The following TUT4 variants were observed in gnomAD, a reference collection of about 807,000 sequenced individuals.
The protein encoded by TUT4 is terminal uridylyl transferase 4.
In TUT4, 36 loss-of-function variants were observed where a neutral mutation model predicts 192.2. The ratio of observed to expected loss-of-function variants is 0.19; its 90% CI spans 0.14 to 0.25. The LOEUF (loss-of-function observed/expected upper bound fraction) is 0.25, where lower values mean the gene tolerates loss of function less well. Ranked by LOEUF, TUT4 falls within the 10% of genes least tolerant of loss-of-function variation. The pLI, the probability that TUT4 is intolerant of heterozygous loss-of-function variation, is 1.00. For missense variants in TUT4, 1,493 were observed against 1,957.2 expected (o/e 0.76, Z 4.47); for synonymous variants, 618 against 666.0 (o/e 0.93, Z 1.11).
chr1:52,484,459 C>T (rs890170610), intron 9 of TUT4, among the ~76,000 whole-genome samples: 1 of 152,012 alleles, frequency 6.6e-6, no homozygotes, highest in Non-Finnish European at 1.5e-5. Context: ...GAACCAATCC[C>T]CCTACCACTG....
intron 11 of TUT4, among the ~76,000 whole-genome samples, chr1:52,478,084 T>C (rs1667551712): frequency 6.6e-6 from 1 of 152,172 alleles, no homozygotes; most frequent in Non-Finnish European, 1.5e-5. Flanking sequence ...TTCTTTCCAC[T>C]GAACCAGTGA....
At chr1:52,497,395 C>T (rs760108116) in intron 4 of TUT4, among the ~76,000 whole-genome samples, 1 of 152,108 alleles carries the variant, frequency 6.6e-6, no homozygotes, top group Non-Finnish European at 1.5e-5. Flanking sequence ...GGAGGGGATG[C>T]TACTAAGTTT....
chr1:52,457,039 C>T (rs1661172795), intron 20 of TUT4, among the ~76,000 whole-genome samples: 1 of 152,034 alleles, frequency 6.6e-6, no homozygotes, highest in African/African-American at 2.4e-5. Flanking sequence ...ATACTTTAAA[C>T]ACACACCCAA....
chr1:52,425,364 G>T lies in TUT4; in HGVS notation c.4855C>A (p.Pro1619Thr), dbSNP rs1486427190. Reference protein sequence around the residue: ...QGNARFQPNKPFYTQDRCATR... With the variant: ...QGNARFQPNKTFYTQDRCATR... ...GCAGTGGTACCTTGAGTATAGAAAG[G>T]TTTGTTGGGCTGGAATCGGGCATTT... The change falls in exon 29 of 30, where the codon CCT becomes ACT. Residue 1619 changes from proline to threonine, a missense_variant. Physicochemically the swap from Pro to Thr is conservative, Grantham distance 38 (BLOSUM62 -1). Around this residue, in one of 7 missense-constraint regions of TUT4, gnomAD observed 351 missense variants for 397.8 expected, o/e 0.88. Transcript: ENST00000257177. The T allele has an allele frequency of 4.3e-6, 7 of 1,613,736 alleles. No homozygotes were observed. Among genetic ancestry groups the T allele is most frequent in the Non-Finnish European group, 5.9e-6 (7 of 1,179,794 alleles).
chr1:52,432,868 C>G (rs1652522604), intron 27 of TUT4: 1 of 152,366 alleles, frequency 6.6e-6, no homozygotes, highest in Non-Finnish European at 1.5e-5. Flanking sequence ...CTGCAGTGAG[C>G]CATGATTGTG....
intron 3 of TUT4, among the ~76,000 whole-genome samples, chr1:52,512,101 G>A (rs972913477): frequency 2.0e-5 from 3 of 152,114 alleles, no homozygotes; most frequent in Non-Finnish European, 2.9e-5. Flanking sequence ...AATGTTAGCA[G>A]ACCAAAGACA....
chr1:52,536,962 G>A (rs1295344181), intron 1 of TUT4, among the ~76,000 whole-genome samples: 1 of 152,054 alleles, frequency 6.6e-6, no homozygotes, highest in Non-Finnish European at 1.5e-5. Context: ...TCAGGAGATC[G>A]AGACCACCCT....
chr1:52,482,470 T>G (rs1262641636), intron 9 of TUT4, among the ~76,000 whole-genome samples: 1 of 152,218 alleles, frequency 6.6e-6, no homozygotes, highest in East Asian at 1.9e-4. Context: ...GACAGGGTCT[T>G]GCTCTGTAGC....
intron 9 of TUT4, among the ~76,000 whole-genome samples, chr1:52,488,621 G>A (rs1670386661): frequency 6.6e-6 from 1 of 152,178 alleles, no homozygotes. Flanking sequence ...GAAAACTTGA[G>A]CCTCATATGC....
Position 52,477,899 on chromosome 1 carries a change from A to C in TUT4, c.1849-17T>G. On this transcript the variant is annotated splice_polypyrimidine_tract_variant and intron_variant, in intron 11 of 29. Transcript: ENST00000257177. ...TAAAGGAGACTGGAAAAGAAAAAATACTTTTCATTTAAGCTTAACAAAACC... is the reference window on the plus strand; with the variant it reads ...TAAAGGAGACTGGAAAAGAAAAAATCCTTTTCATTTAAGCTTAACAAAACC... 6.4e-7 allele frequency: 1 copy of C among 1,573,408 alleles called. No individual in the cohort carries two copies. The highest frequency in any genetic ancestry group is 8.6e-7 in the Non-Finnish European group (1 of 1,164,002).
At chr1:52,455,285 A>AAAAT (rs771225393) in intron 20 of TUT4, among the ~76,000 whole-genome samples, 9 of 152,136 alleles carry the variant, frequency 5.9e-5, no homozygotes, top group Non-Finnish European at 1.0e-4. Flanking sequence ...CCCTCTCTCA[A>AAAAT]AAATAAATAA....
At chr1:52,468,351 A>C in intron 14 of TUT4, 84 bp from the exon 15 acceptor site, 4 of 1,025,190 alleles carry the variant, frequency 3.9e-6, no homozygotes, top group Non-Finnish European at 5.5e-6. Context: ...TTACCCTAAA[A>C]ATTTTACTTA....
At chr1:52,445,529 G>A (rs1350105417) in intron 24 of TUT4, among the ~76,000 whole-genome samples, 1 of 152,126 alleles carries the variant, frequency 6.6e-6, no homozygotes, top group African/African-American at 2.4e-5. Flanking sequence ...CTGGAAATAG[G>A]TGAACCTTAC....
chr1:52,526,391 A>G lies in TUT4; in HGVS notation c.-93-18T>C. On this transcript the variant is annotated intron_variant, in intron 1 of 29. Coordinates refer to ENST00000257177, the MANE Select transcript of TUT4 (RefSeq NM_001009881.3). ...CAAGCAAACTATTGGGTTAAAAAAA[A>G]GAGAAAAATCTGTTATTTAAAATGC... 1 of 1,029,482 alleles carries G rather than the reference A, an allele frequency of 9.7e-7. No individual in the cohort carries two copies. The highest frequency in any genetic ancestry group is 1.3e-6 in the Non-Finnish European group (1 of 794,564). The allele number at this position is 1,029,482 out of a possible 1,614,324, so 63.8% of individuals were successfully genotyped here.
intron 24 of TUT4, among the ~76,000 whole-genome samples, chr1:52,444,540 A>T (rs1656782909): frequency 6.6e-6 from 1 of 151,806 alleles, no homozygotes; most frequent in Non-Finnish European, 1.5e-5. Flanking sequence ...TGTCAATTTC[A>T]TTGGACTGAA....
chr1:52,433,964 TA>T (rs1652929097), intron 27 of TUT4: 1 of 152,182 alleles, frequency 6.6e-6, no homozygotes, highest in South Asian at 2.1e-4. Context: ...TTAATAAAGC[TA>T]AAATAACAAT....
chr1:52,495,518 G>A lies in TUT4; in HGVS notation c.1178-3C>T, dbSNP rs1184621641. On this transcript the variant is annotated splice_region_variant and splice_polypyrimidine_tract_variant and intron_variant, in intron 5 of 29. Coordinates refer to ENST00000257177, the MANE Select transcript of TUT4 (RefSeq NM_001009881.3). ...GCCATACAACCTAAGTGAACATTCT[G>A]GAATAAAGGAAAAACATCAAAGCAT... 8 of 1,595,956 alleles carry A rather than the reference G, an allele frequency of 5.0e-6. No individual in the cohort carries two copies. Among genetic ancestry groups the A allele is most frequent in the Middle Eastern group, 1.7e-4 (1 of 6,002 alleles).
At chr1:52,426,513 T>A (rs900101476) in intron 28 of TUT4, among the ~76,000 whole-genome samples, 6 of 152,136 alleles carry the variant, frequency 3.9e-5, no homozygotes, top group African/African-American at 1.4e-4. Context: ...TCACTAAACT[T>A]CTCAGCAGGA....
In TUT4 at chr1:52,512,637, G is replaced by A. The variant is rs573514878; in HGVS notation, c.883-2925C>T. Among the ~76,000 whole-genome samples the A allele has an allele frequency of 2.4e-4, 37 of 152,236 alleles. No individual in the cohort carries two copies. In the South Asian group the frequency reaches 5.4e-3, roughly 22 times the overall value. ...CACAGAAAAAAAATACATAAAAAAA[G>A]TTAAACACTGTTTATTATATTTTAT... On this transcript the variant is annotated intron_variant, in intron 3 of 29. Coordinates refer to ENST00000257177, the MANE Select transcript of TUT4 (RefSeq NM_001009881.3).
Sources: gnomAD v4.1 joint callset for allele counts (sites outside exome capture counted in the v4.1 genomes callset) on GRCh38, gnomAD v4.1.1 for gene constraint, gnomAD v4.1.1 regional missense constraint, MANE v1.5 for transcripts, NCBI Gene and HGNC (gene_info 2026-07-23, HGNC 2026-07-21) for gene names.